Variants in EML5 observed in about 807,000 individuals in gnomAD.
EML5 encodes echinoderm microtubule-associated protein-like 5.
Under a neutral mutation model 250.0 loss-of-function variants are expected in EML5, and 120 were observed. The observed-to-expected ratio is 0.48, with a 90% confidence interval of 0.41 to 0.56. The LOEUF is 0.56. EML5 is among the 20% of genes least tolerant of loss of function. The probability of loss-of-function intolerance (pLI) is 0.00; values close to 1 mark genes in which losing one functional copy is unlikely to be tolerated. For synonymous variants in EML5, 771 were observed against 806.5 expected (o/e 0.96, Z 0.75); for missense variants, 2,006 against 2,437.6 (o/e 0.82, Z 3.73).
chr14:88,706,007 G>T, intron 11 of EML5: 1 of 530,802 alleles, frequency 1.9e-6, no homozygotes, highest in Non-Finnish European at 3.3e-6. Context: ...TGTTTGTTTT[G>T]CTATTAATAT....
chr14:88,638,750 AATTT>A (rs2090884952), intron 32 of EML5, 55 bp downstream of exon 32: 2 of 1,395,670 alleles, frequency 1.4e-6, no homozygotes, highest in Non-Finnish European at 2.0e-6. Flanking sequence ...TTGGATATTG[AATTT>A]ATTTGAACAA....
chr14:88,737,524 C>T (rs527626155), intron 6 of EML5, among the ~76,000 whole-genome samples: 6 of 152,330 alleles, frequency 3.9e-5, no homozygotes, highest in African/African-American at 1.4e-4. Flanking sequence ...AGGGGCATTG[C>T]GCCCGCCATG....
chr14:88,616,183 A>G lies in EML5; in HGVS notation c.5856T>C (p.Ser1952=), dbSNP rs2087582692. The G allele has an allele frequency of 6.2e-6, 10 of 1,613,946 alleles. No individual in the cohort carries two copies. Among genetic ancestry groups the G allele is most frequent in the Non-Finnish European group, 8.5e-6 (10 of 1,179,840 alleles). ...CAGCACTAACAACATGTCGATCACC[A>G]CTGGTAAATCGAATATTTGTCACAT... ...SPHVTNIRFT[S]GDRHVVSAGG... The change falls in exon 43 of 44, where the codon AGT becomes AGC. Residue 1952 remains serine, a synonymous_variant. Coordinates refer to ENST00000554922, the MANE Select transcript of EML5 (RefSeq NM_183387.3).
intron 32 of EML5, among the ~76,000 whole-genome samples, chr14:88,635,880 A>G (rs11620847): frequency 6.6e-6 from 1 of 152,048 alleles, no homozygotes; most frequent in Admixed American, 6.6e-5. Flanking sequence ...ATCTTTTTTC[A>G]CCATGTGAGG....
chr14:88,668,016 C>T (rs1956411), intron 21 of EML5, among the ~76,000 whole-genome samples: 98,890 of 152,052 alleles, frequency 0.65, 34,092 homozygotes, highest in East Asian at 0.94. Context: ...CAAGCTTTTT[C>T]GCCACAAGCT....
chr14:88,643,133 T>C lies in EML5; in HGVS notation c.4108-111A>G, dbSNP rs948835545. The C allele has an allele frequency of 9.6e-6, 10 of 1,044,412 alleles. No homozygotes were observed. The African/African-American group carries it at 1.5e-4, about 16-fold the overall frequency. The allele number at this position is 1,044,412 out of a possible 1,614,324, so 64.7% of individuals were successfully genotyped here. A position where few individuals can be genotyped will look rare whatever the true frequency, so the allele number is the denominator to read the frequency against. On this transcript the variant is annotated intron_variant, in intron 30 of 43. Coordinates refer to ENST00000554922, the MANE Select transcript of EML5 (RefSeq NM_183387.3). ...GTCTGCAGTCAAAATGGAGTATGCATTTTTGATGTTTTACAAACTTAATAT... is the reference window on the plus strand; with the variant it reads ...GTCTGCAGTCAAAATGGAGTATGCACTTTTGATGTTTTACAAACTTAATAT...
chr14:88,649,387 G>A (rs916552745), intron 28 of EML5, among the ~76,000 whole-genome samples: 1 of 151,974 alleles, frequency 6.6e-6, no homozygotes, highest in Admixed American at 6.6e-5. Context: ...AAACAGACTA[G>A]CCATTTCCAC....
chr14:88,638,033 A>C lies in EML5; in HGVS notation c.4336+776T>G, dbSNP rs530963888. The stretch of plus-strand genomic sequence containing the variant: ...GAAAAATAAAGATATTAAAAGTATA[A>C]ATTATCTTAGTCAAGAAGAAAAGGG... On this transcript the variant is annotated intron_variant, in intron 32 of 43. Coordinates refer to ENST00000554922, the MANE Select transcript of EML5 (RefSeq NM_183387.3). 1.3e-3 allele frequency among the ~76,000 whole-genome samples: 200 copies of C among 152,292 alleles called. 1 individual carries two copies. The highest frequency in any genetic ancestry group is 4.6e-3 in the African/African-American group (193 of 41,570).
At chr14:88,790,114 C>T (rs932178075) in intron 1 of EML5, among the ~76,000 whole-genome samples, 5 of 152,074 alleles carry the variant, frequency 3.3e-5, no homozygotes, top group African/African-American at 1.2e-4. Flanking sequence ...CAATATATTT[C>T]ACAAACATGA....
At chr14:88,630,000 T>G (rs2090338203) in intron 33 of EML5, among the ~76,000 whole-genome samples, 1 of 151,844 alleles carries the variant, frequency 6.6e-6, no homozygotes, top group Admixed American at 6.6e-5. Context: ...AGTTTGCCTT[T>G]GATGCAGTAT....
chr14:88,624,897 C>T, intron 36 of EML5, 73 bp downstream of exon 36: 1 of 1,547,712 alleles, frequency 6.5e-7, no homozygotes, highest in Non-Finnish European at 8.8e-7. Context: ...CTAGAAACAA[C>T]TAGAATAATT....
chr14:88,625,784 T>C (rs1024999752), intron 35 of EML5: 16 of 152,368 alleles, frequency 1.1e-4, no homozygotes, highest in Non-Finnish European at 1.9e-4. Context: ...AACATTTCAA[T>C]AGTCTTTTTC....
chr14:88,664,511 T>C lies in EML5; in HGVS notation c.3391A>G (p.Ile1131Val), dbSNP rs1391923427. The C allele has an allele frequency of 6.2e-7, 1 of 1,605,764 alleles. No individual in the cohort carries two copies. The highest frequency in any genetic ancestry group is 1.3e-5 in the African/African-American group (1 of 74,652). ...CKGATSYITH[I>V]DWDIRGKLLQ... ...GTCTTACCTCTAATATCCCAATCAA[T>C]ATGGGTTATGTAACTGGTAGCTCCT... The change falls in exon 23 of 44, where the codon ATT becomes GTT. Residue 1131 changes from isoleucine to valine, a missense_variant. Ile to Val is a conservative substitution (Grantham distance 29, BLOSUM62 3). Coordinates refer to ENST00000554922, the MANE Select transcript of EML5 (RefSeq NM_183387.3).
At chr14:88,647,226 T>C (rs1426025925) in intron 28 of EML5, among the ~76,000 whole-genome samples, 1 of 151,716 alleles carries the variant, frequency 6.6e-6, no homozygotes. Flanking sequence ...TAGCCAGGCA[T>C]GGTGGCACGC....
chr14:88,705,048 T>C, intron 12 of EML5, 70 bp from the exon 13 acceptor site: 1 of 1,013,032 alleles, frequency 9.9e-7, no homozygotes, highest in South Asian at 1.7e-5. Context: ...ATACTCCCAA[T>C]ATAACTTTCA....
chr14:88,659,165 G>A (rs1437959289), intron 25 of EML5, among the ~76,000 whole-genome samples: 2 of 151,906 alleles, frequency 1.3e-5, no homozygotes, highest in Non-Finnish European at 2.9e-5. Flanking sequence ...TCTTTTCAAA[G>A]GTGTTAAAAT....
intron 31 of EML5, among the ~76,000 whole-genome samples, 180 bp from the exon 32 acceptor site, chr14:88,639,087 T>C (rs2090911523): frequency 6.6e-6 from 1 of 152,226 alleles, no homozygotes; most frequent in East Asian, 1.9e-4. Context: ...TGTAATGGGA[T>C]AGAGCCGTAA....
chr14:88,670,343 A>G (rs528902367), intron 21 of EML5, among the ~76,000 whole-genome samples: 2 of 151,550 alleles, frequency 1.3e-5, no homozygotes, highest in East Asian at 3.9e-4. Flanking sequence ...AAAAGGAGAA[A>G]AAAGAAAAAC....
In EML5 at chr14:88,704,298, C is replaced by G. The variant is rs190032696; in HGVS notation, c.2051+562G>C. 4.1e-3 allele frequency among the ~76,000 whole-genome samples: 622 copies of G among 152,270 alleles called. 14 individuals carry two copies. Among genetic ancestry groups the G allele is most frequent in the Admixed American group, 0.025 (388 of 15,284 alleles). ...CTCTCTCTCTTGCTAGGTAACACACCTGCTCCCCCTTTGCCTTCTGCCATG... is the reference window on the plus strand; with the variant it reads ...CTCTCTCTCTTGCTAGGTAACACACGTGCTCCCCCTTTGCCTTCTGCCATG... On this transcript the variant is annotated intron_variant, in intron 13 of 43. Transcript: ENST00000554922.
Sources: gnomAD v4.1 joint callset for allele counts (sites outside exome capture counted in the v4.1 genomes callset) on GRCh38, gnomAD v4.1.1 for gene constraint, MANE v1.5 for transcripts, NCBI Gene and HGNC (gene_info 2026-07-23, HGNC 2026-07-21) for gene names.